Variants in BRIP1 observed in about 807,000 individuals in gnomAD.
BRIP1 encodes the protein Fanconi anemia group J protein.
Under a neutral mutation model 119.7 loss-of-function variants are expected in BRIP1, and 88 were observed. The ratio of observed to expected loss-of-function variants is 0.74; its 90% CI spans 0.62 to 0.88. BRIP1 has a LOEUF of 0.88. Ranked by LOEUF, BRIP1 falls within the 40% of genes least tolerant of loss-of-function variation. The pLI, the probability that BRIP1 is intolerant of heterozygous loss-of-function variation, is 0.00. For missense variants in BRIP1, 1,259 were observed against 1,455.4 expected, an observed-to-expected ratio of 0.87 and a Z score of 2.20; for synonymous variants, 443 against 496.5, an observed-to-expected ratio of 0.89 and a Z score of 1.43.
chr17:61,792,043 A>G (rs1317697803), intron 10 of BRIP1, among the ~76,000 whole-genome samples: 3 of 152,208 alleles, frequency 2.0e-5, no homozygotes, highest in Non-Finnish European at 4.4e-5. Flanking sequence ...ACTTTTGTTC[A>G]TTGCTGGTGG....
intron 17 of BRIP1, among the ~76,000 whole-genome samples, chr17:61,697,268 C>G (rs2061540053): frequency 8.3e-6 from 1 of 120,148 alleles, no homozygotes; most frequent in Non-Finnish European, 1.6e-5. Context: ...ACCTGGGAGG[C>G]AGAGGTTGCA....
chr17:61,793,544 T>TA lies in BRIP1; in HGVS notation c.1473+52dup. 6.5e-7 allele frequency: 1 copy of TA among 1,543,242 alleles called. No homozygotes were observed. On this transcript the variant is annotated intron_variant, in intron 10 of 19. Transcript: ENST00000259008. This position sits in a 1 kb window ranked among gnomAD's most constrained non-coding sequence, Gnocchi z 5.2. ...GATTTAATCTGGATTTAGTCACGAC[T>TA]AAATCACTTCTAATTCACTAAATAC...
Position 61,824,694 on chromosome 17 carries a change from T to G in BRIP1, c.628-15937A>C, listed in dbSNP as rs2078378923. On this transcript the variant is annotated intron_variant, in intron 6 of 19. Transcript: ENST00000259008. This position sits in a 1 kb window ranked among gnomAD's most constrained non-coding sequence, Gnocchi z 4.3. Reference sequence around the variant, plus strand: ...ACCTTAAATATAAAAGCTAAAACCATAAAACTTTTCCAAAAGCACTGGTGA... The same window carrying G: ...ACCTTAAATATAAAAGCTAAAACCAGAAAACTTTTCCAAAAGCACTGGTGA... Among the ~76,000 whole-genome samples, 1 of 152,094 alleles carries G rather than the reference T, an allele frequency of 6.6e-6. No homozygotes were observed. Among genetic ancestry groups the G allele is most frequent in the Non-Finnish European group, 1.5e-5 (1 of 68,006 alleles).
At chr17:61,781,566 C>T (rs772402556) in intron 11 of BRIP1, among the ~76,000 whole-genome samples, 6 of 152,174 alleles carry the variant, frequency 3.9e-5, no homozygotes, top group Non-Finnish European at 8.8e-5. Flanking sequence ...CAGATGATAT[C>T]TGTGATCCCA....
At position 61,851,169 on chromosome 17, in the gene BRIP1, A is replaced by G. The variant is rs1002424750; in HGVS notation, c.380-1913T>C. Among the ~76,000 whole-genome samples, 4 of 152,142 alleles carry G rather than the reference A, an allele frequency of 2.6e-5. No individual in the cohort carries two copies. Among genetic ancestry groups the G allele is most frequent in the East Asian group, 1.9e-4 (1 of 5,192 alleles). ...CTTGAACCCGGGAGGCAGAGGTTGC[A>G]GTGAGCCAAGATCGCACCACTGCAC... is the stretch of plus-strand genomic sequence containing the variant. On this transcript the variant is annotated intron_variant, in intron 4 of 19. Coordinates refer to ENST00000259008, the MANE Select transcript of BRIP1 (RefSeq NM_032043.3). This position sits in a 1 kb window ranked among gnomAD's most constrained non-coding sequence, Gnocchi z 4.6.
intron 16 of BRIP1, among the ~76,000 whole-genome samples, chr17:61,733,487 T>G (rs1017009810): frequency 4.6e-5 from 7 of 152,220 alleles, no homozygotes; most frequent in African/African-American, 1.7e-4. Flanking sequence ...GCACCCTTTT[T>G]CTGTGGTTTA....
chr17:61,749,094 G>A (rs570024984), intron 14 of BRIP1, among the ~76,000 whole-genome samples: 12 of 150,168 alleles, frequency 8.0e-5, no homozygotes, highest in African/African-American at 2.5e-4. Context: ...CCAAGATCAC[G>A]CCACTACACT....
rs1021794012 is a variant in BRIP1 at position 61,772,821 on chromosome 17, A to G, written c.2097+3580T>C. On this transcript the variant is annotated intron_variant, in intron 14 of 19. Coordinates refer to ENST00000259008, the MANE Select transcript of BRIP1 (RefSeq NM_032043.3). ...CAACAAGGGTAAAATTCCATCTCAG[A>G]AAAAAAAAAAAAAAAAAAAAAACCT... Among the ~76,000 whole-genome samples the G allele has an allele frequency of 6.3e-5, 6 of 94,756 alleles. No individual in the cohort carries two copies. In the South Asian group the frequency reaches 1.5e-3, roughly 23 times the overall value. 62.2% of individuals were successfully genotyped at this position (94,756 alleles called of 152,430 possible).
intron 6 of BRIP1, among the ~76,000 whole-genome samples, chr17:61,829,250 T>C (rs2145603307): frequency 6.6e-6 from 1 of 152,228 alleles, no homozygotes; most frequent in Middle Eastern, 3.4e-3. Context: ...ATGAAAAATA[T>C]ATACTATGGA....
At position 61,730,386 on chromosome 17, in the gene BRIP1, T is replaced by A. The variant is rs565581151; in HGVS notation, c.2379+12627A>T. On this transcript the variant is annotated intron_variant, in intron 16 of 19. Coordinates refer to ENST00000259008, the MANE Select transcript of BRIP1 (RefSeq NM_032043.3). This position sits in a 1 kb window ranked among gnomAD's most constrained non-coding sequence, Gnocchi z 4.3. ...TAAAATTCTCCTCAAAAGAAAAAAA[T>A]TAGTTATTTTCAGAGAAGCTAAAAA... 2.4e-4 allele frequency among the ~76,000 whole-genome samples: 37 copies of A among 152,214 alleles called. No homozygotes were observed. In the East Asian group the frequency reaches 6.9e-3, roughly 29 times the overall value.
rs2077095581 is a variant in BRIP1, at chr17:61,748,938, C to T, written c.2098-4347G>A. On this transcript the variant is annotated intron_variant, in intron 14 of 19. Transcript: ENST00000259008. This position sits in a 1 kb window ranked among gnomAD's most constrained non-coding sequence, Gnocchi z 4.7. ...AGATCACGAGGTCAGGAGATTGAGACCATCCTGGCTAACACGGTGAAACCC... is the reference window on the plus strand; with the variant it reads ...AGATCACGAGGTCAGGAGATTGAGATCATCCTGGCTAACACGGTGAAACCC... 1.3e-5 allele frequency among the ~76,000 whole-genome samples: 2 copies of T among 152,260 alleles called. No homozygotes were observed. Among genetic ancestry groups the T allele is most frequent in the South Asian group, 2.1e-4 (1 of 4,826 alleles).
At chr17:61,858,602 A>G (rs1446740627) in intron 3 of BRIP1, among the ~76,000 whole-genome samples, 2 of 151,900 alleles carry the variant, frequency 1.3e-5, no homozygotes, top group African/African-American at 4.8e-5. Context: ...CAAACTTCCA[A>G]CCTCAGGTGA....
rs2144605629 is a variant in BRIP1, at chr17:61,735,067, A to C, written c.2379+7946T>G. Among the ~76,000 whole-genome samples, 1 of 152,346 alleles carries C rather than the reference A, an allele frequency of 6.6e-6. No homozygotes were observed. Among genetic ancestry groups the C allele is most frequent in the African/African-American group, 2.4e-5 (1 of 41,584 alleles). On this transcript the variant is annotated intron_variant, in intron 16 of 19. Coordinates refer to ENST00000259008, the MANE Select transcript of BRIP1 (RefSeq NM_032043.3). The surrounding 1 kb of genome is among the most constrained non-coding windows in gnomAD (Gnocchi z 4.4). ...TCTAATTTAAGGTCCTATAATTTGA[A>C]GCATAGTTTTAGTTTTGGAAGAGCC... is the stretch of plus-strand genomic sequence containing the variant.
chr17:61,686,310 C>T lies in BRIP1; in HGVS notation c.2576-145G>A. 1 of 745,978 alleles carries T rather than the reference C, an allele frequency of 1.3e-6. No individual in the cohort carries two copies. Among genetic ancestry groups the T allele is most frequent in the Admixed American group, 2.2e-5 (1 of 45,042 alleles). The allele number at this position is 745,978 out of a possible 1,614,324, so 46.2% of individuals were successfully genotyped here. A position where few individuals can be genotyped will look rare whatever the true frequency, so the allele number is the denominator to read the frequency against. On this transcript the variant is annotated intron_variant, in intron 18 of 19. Coordinates refer to ENST00000259008, the MANE Select transcript of BRIP1 (RefSeq NM_032043.3). This position sits in a 1 kb window ranked among gnomAD's most constrained non-coding sequence, Gnocchi z 5.4. ...AATGGTTCTCCATATGTTTTTTCTGCAATTCAGCAATTTTACTACATATGT... is the reference window on the plus strand; with the variant it reads ...AATGGTTCTCCATATGTTTTTTCTGTAATTCAGCAATTTTACTACATATGT...
At chr17:61,840,632 T>C (rs978498041) in intron 6 of BRIP1, among the ~76,000 whole-genome samples, 1 of 151,750 alleles carries the variant, frequency 6.6e-6, no homozygotes, top group African/African-American at 2.4e-5. Context: ...ACCAAATAAA[T>C]AAAATGAAAA....
chr17:61,684,108 C>T lies in BRIP1; in HGVS notation c.2938G>A (p.Ala980Thr). The T allele has an allele frequency of 6.2e-7, 1 of 1,613,448 alleles. No homozygotes were observed. The highest frequency in any genetic ancestry group is 8.5e-7 in the Non-Finnish European group (1 of 1,179,750). Residue 980 changes from alanine to threonine, a missense_variant, in exon 20 of 20, where the codon GCA becomes ACA. By Grantham distance (58) the Ala-to-Thr change is moderately conservative. This residue lies in a region of BRIP1 where 753 missense variants were observed against 891.8 expected (regional missense o/e 0.84). Transcript: ENST00000259008. This position sits in a 1 kb window ranked among gnomAD's most constrained non-coding sequence, Gnocchi z 4.5. ...GATCTGGAAATCACAATTTTTTCTG[C>T]TTTCCCTGCTTCTTCCAGGAATACT... Reference protein sequence around the residue: ...DPVFLEEAGKAEKIVISRSTS... With the variant: ...DPVFLEEAGKTEKIVISRSTS...
chr17:61,728,735 T>C (rs1263250245), intron 16 of BRIP1, among the ~76,000 whole-genome samples: 1 of 152,108 alleles, frequency 6.6e-6, no homozygotes, highest in African/African-American at 2.4e-5. Context: ...ATAGCAGTTA[T>C]TGGATGATAG....
rs978632315 is a variant in BRIP1 at position 61,726,387 on chromosome 17, G to C, written c.2380-10324C>G. Among the ~76,000 whole-genome samples, 1 of 152,212 alleles carries C rather than the reference G, an allele frequency of 6.6e-6. No homozygotes were observed. The highest frequency in any genetic ancestry group is 2.4e-5 in the African/African-American group (1 of 41,446). ...TTTCTGAAACCCAGTGTAGGTTTCA[G>C]TGGACTTTAAATGCTGTCGTAATAT... On this transcript the variant is annotated intron_variant, in intron 16 of 19. Transcript: ENST00000259008. This position sits in a 1 kb window ranked among gnomAD's most constrained non-coding sequence, Gnocchi z 6.2.
In BRIP1 at chr17:61,844,076, A is replaced by T. The variant is rs1022436229; in HGVS notation, c.627+3025T>A. ...GTAGCTAGGACTACAAGTACACACC[A>T]CCACACACAGCTATTTTTTTTCTTC... is the stretch of plus-strand genomic sequence containing the variant. On this transcript the variant is annotated intron_variant, in intron 6 of 19. Coordinates refer to ENST00000259008, the MANE Select transcript of BRIP1 (RefSeq NM_032043.3). The surrounding 1 kb of genome is among the most constrained non-coding windows in gnomAD (Gnocchi z 4.7). Among the ~76,000 whole-genome samples the T allele has an allele frequency of 6.6e-6, 1 of 151,874 alleles. No homozygotes were observed. Among genetic ancestry groups the T allele is most frequent in the Non-Finnish European group, 1.5e-5 (1 of 67,956 alleles).
Sources: allele counts gnomAD v4.1 joint callset (sites outside exome capture counted in the v4.1 genomes callset), GRCh38; gene constraint gnomAD v4.1.1; regional missense constraint gnomAD v4.1.1; non-coding constraint Gnocchi (gnomAD v3.1); transcripts MANE v1.5; gene names NCBI Gene and HGNC (gene_info 2026-07-23, HGNC 2026-07-21).